ANKRD11: variants seen among roughly 807,000 people sequenced by gnomAD.
ANKRD11 encodes ankyrin repeat domain-containing protein 11.
Under a neutral mutation model 195.7 loss-of-function variants are expected in ANKRD11, and 17 were observed. That is an observed-to-expected ratio of 0.09 (90% CI 0.06 to 0.13). The LOEUF is 0.13. ANKRD11 is among the 10% of genes least tolerant of loss of function. The pLI, the probability that ANKRD11 is intolerant of heterozygous loss-of-function variation, is 1.00. For missense variants in ANKRD11, 3,735 were observed against 3,566.1 expected, an observed-to-expected ratio of 1.05 and a Z score of -1.21; for synonymous variants, 1,953 against 1,528.1, an observed-to-expected ratio of 1.28 and a Z score of -6.49.
At chr16:89,449,201 A>AG (rs1567821142) in intron 1 of ANKRD11, among the ~76,000 whole-genome samples, 1 of 151,868 alleles carries the variant, frequency 6.6e-6, no homozygotes, top group African/African-American at 2.4e-5. Context: ...AAAAAAAAAA[A>AG]AAAGAAAAAT....
At chr16:89,376,474 G>C (rs534833279) in intron 2 of ANKRD11, among the ~76,000 whole-genome samples, 2 of 152,136 alleles carry the variant, frequency 1.3e-5, no homozygotes, top group Admixed American at 1.3e-4. Flanking sequence ...CTCTTGTTCC[G>C]TCACCCAGGC....
At chr16:89,396,569 CAT>C (rs2041441488) in intron 2 of ANKRD11, among the ~76,000 whole-genome samples, 1 of 151,980 alleles carries the variant, frequency 6.6e-6, no homozygotes, top group Non-Finnish European at 1.5e-5. Flanking sequence ...ACTAGAACAA[CAT>C]ATTTACCACA....
In ANKRD11 at chr16:89,281,902, T is replaced by C; in HGVS notation, c.4640A>G (p.Lys1547Arg). 6.2e-7 allele frequency: 1 copy of C among 1,613,720 alleles called. No individual in the cohort carries two copies. The highest frequency in any genetic ancestry group is 8.5e-7 in the Non-Finnish European group (1 of 1,180,034). Reference sequence around the variant, plus strand: ...TACCTTATCATTCCCGTTGCTCATCTTCACTGGGTCGCCCTTTTCTTTCTC... The same window carrying C: ...TACCTTATCATTCCCGTTGCTCATCCTCACTGGGTCGCCCTTTTCTTTCTC... ...GAEKEKGDPV[K>R]MSNGNDKVAP... is the part of the protein sequence containing the mutation. The change falls in exon 9 of 13, where the codon AAG becomes AGG. Residue 1547 changes from lysine to arginine, a missense_variant. Lys to Arg is a conservative substitution (Grantham distance 26, BLOSUM62 2). Transcript: ENST00000301030. This position sits in a 1 kb window ranked among gnomAD's most constrained non-coding sequence, Gnocchi z 5.5.
chr16:89,283,105 G>A lies in ANKRD11; in HGVS notation c.3437C>T (p.Thr1146Met), dbSNP rs150325340. 2.3e-4 allele frequency: 371 copies of A among 1,613,864 alleles called. No individual in the cohort carries two copies. Among genetic ancestry groups the A allele is most frequent in the Admixed American group, 3.7e-4 (22 of 60,016 alleles). The change falls in exon 9 of 13, where the codon ACG (threonine) becomes ATG (methionine). Residue 1146 changes from threonine (T) to methionine (M), a missense_variant. By Grantham distance (81) the Thr-to-Met change is moderately conservative. Coordinates refer to ENST00000301030, the MANE Select transcript of ANKRD11 (RefSeq NM_013275.6). The surrounding 1 kb of genome is among the most constrained non-coding windows in gnomAD (Gnocchi z 4.3). ...TTCCTCCTTCTCCTGGAGGCCGTCC[G>A]TCCTCGGCAAGTCGCTGGCCTCTCC... ...KMGEASDLPR[T>M]DGLQEKEEGR...
At position 89,273,335 on chromosome 16, in the gene ANKRD11, G is replaced by T. The variant is rs183748454; in HGVS notation, c.7713+1479C>A. 3.5e-3 allele frequency among the ~76,000 whole-genome samples: 536 copies of T among 152,282 alleles called. 8 individuals carry two copies. The highest frequency in any genetic ancestry group is 0.026 in the Admixed American group (395 of 15,292). ...GCCTGTCCATCACAGCCTCTCACCT[G>T]CGGTACAAGAATGCAAACTTATCAG... On this transcript the variant is annotated intron_variant, in intron 11 of 12. Transcript: ENST00000301030.
intron 2 of ANKRD11, among the ~76,000 whole-genome samples, chr16:89,406,541 C>A (rs971504138): frequency 6.6e-6 from 1 of 152,126 alleles, no homozygotes; most frequent in Admixed American, 6.5e-5. Flanking sequence ...CACACAGGCA[C>A]CAGAGGCTGC....
intron 11 of ANKRD11, 53 bp downstream of exon 11, chr16:89,274,761 G>A (rs1251369171): frequency 2.5e-5 from 40 of 1,601,038 alleles, no homozygotes; most frequent in Non-Finnish European, 3.1e-5. Flanking sequence ...GAGGGGAGGC[G>A]GGCAGGGTGC....
At chr16:89,316,304 C>T (rs972371136) in intron 3 of ANKRD11, among the ~76,000 whole-genome samples, 3 of 152,156 alleles carry the variant, frequency 2.0e-5, no homozygotes, top group African/African-American at 7.2e-5. Flanking sequence ...AGTTCACATT[C>T]GCTGGGCACA....
At position 89,279,463 on chromosome 16, in the gene ANKRD11, G is replaced by A. The variant is rs1399426960; in HGVS notation, c.7079C>T (p.Ala2360Val). 14 of 1,436,050 alleles carry A rather than the reference G, an allele frequency of 9.7e-6. No individual in the cohort carries two copies. Among genetic ancestry groups the A allele is most frequent in the Non-Finnish European group, 1.3e-5 (14 of 1,064,448 alleles). The allele number at this position is 1,436,050 out of a possible 1,614,324, so 89.0% of individuals were successfully genotyped here. A position where few individuals can be genotyped will look rare whatever the true frequency, so the allele number is the denominator to read the frequency against. ...QGPPPSEKECAPTPAPVTRAK... is the reference protein window; with the variant it reads ...QGPPPSEKECVPTPAPVTRAK... The stretch of plus-strand genomic sequence containing the variant: ...CCTGGTGACCGGGGCAGGGGTGGGG[G>A]CGCACTCCTTCTCGGAGGGGGGCGG... Residue 2360 changes from alanine (A) to valine (V), a missense_variant, in exon 9 of 13, where the codon GCC (alanine) becomes GTC (valine). Ala to Val is a moderately conservative substitution (Grantham distance 64, BLOSUM62 0). Transcript: ENST00000301030. This position sits in a 1 kb window ranked among gnomAD's most constrained non-coding sequence, Gnocchi z 5.6.
chr16:89,271,758 A>T (rs1182355817), intron 11 of ANKRD11: 1 of 152,248 alleles, frequency 6.6e-6, no homozygotes, highest in East Asian at 1.9e-4. Context: ...AATGGATCAA[A>T]GTCTGGAATC....
intron 1 of ANKRD11, among the ~76,000 whole-genome samples, chr16:89,449,221 T>C (rs1174899995): frequency 6.7e-6 from 1 of 149,160 alleles, no homozygotes; most frequent in East Asian, 2.0e-4. Context: ...TTTGCAGGCA[T>C]GAGGAATGTT....
chr16:89,359,659 T>C (rs114689357), intron 2 of ANKRD11, among the ~76,000 whole-genome samples: 3,190 of 152,278 alleles, frequency 0.021, 123 homozygotes, highest in African/African-American at 0.073. Flanking sequence ...AGCCGGCTGT[T>C]CACCTCTCTG....
intron 1 of ANKRD11, among the ~76,000 whole-genome samples, chr16:89,470,674 T>A (rs1191575545): frequency 6.6e-6 from 1 of 151,862 alleles, no homozygotes; most frequent in Non-Finnish European, 1.5e-5. Context: ...CGAAACCCAG[T>A]CTCTACTAAA....
intron 2 of ANKRD11, among the ~76,000 whole-genome samples, chr16:89,406,719 C>T (rs907266429): frequency 6.6e-6 from 1 of 152,152 alleles, no homozygotes; most frequent in African/African-American, 2.4e-5. Context: ...AGAAGATGGA[C>T]CTCAGTGCCT....
At chr16:89,385,408 C>T (rs997859347) in intron 2 of ANKRD11, among the ~76,000 whole-genome samples, 3 of 152,164 alleles carry the variant, frequency 2.0e-5, no homozygotes, top group African/African-American at 7.2e-5. Context: ...GGATTACAGG[C>T]GTGAGCCACC....
At chr16:89,339,933 T>G (rs548931335) in intron 2 of ANKRD11, 3 of 152,338 alleles carry the variant, frequency 2.0e-5, no homozygotes, top group Admixed American at 2.0e-4. Flanking sequence ...GGACGGTTCC[T>G]GCCGTACCTT....
At chr16:89,274,019 C>T (rs3114849) in intron 11 of ANKRD11, among the ~76,000 whole-genome samples, 3 of 152,048 alleles carry the variant, frequency 2.0e-5, no homozygotes, top group Non-Finnish European at 2.9e-5. Context: ...CAGTGGGCTC[C>T]GAGGAGGAGG....
Position 89,326,068 on chromosome 16 carries a change from A to C in ANKRD11, c.-59-8990T>G, listed in dbSNP as rs149516117. On this transcript the variant is annotated intron_variant, in intron 2 of 12. Coordinates refer to ENST00000301030, the MANE Select transcript of ANKRD11 (RefSeq NM_013275.6). ...GTGAAGACGAAGGGGAGGAGGAGCA[A>C]GGAAAATGCTTCTTTTACACAGAAG... Among the ~76,000 whole-genome samples, 776 of 152,378 alleles carry C rather than the reference A, an allele frequency of 5.1e-3. 6 individuals are homozygous for C. Among genetic ancestry groups the C allele is most frequent in the African/African-American group, 0.018 (751 of 41,592 alleles).
At chr16:89,424,039 C>A (rs1038655904) in intron 1 of ANKRD11, among the ~76,000 whole-genome samples, 1 of 152,052 alleles carries the variant, frequency 6.6e-6, no homozygotes, top group Non-Finnish European at 1.5e-5. Flanking sequence ...CCCCATAGTA[C>A]TCGACCAGTG....
Sources: gnomAD v4.1 joint callset for allele counts (sites outside exome capture counted in the v4.1 genomes callset) on GRCh38, gnomAD v4.1.1 for gene constraint, Gnocchi (gnomAD v3.1) non-coding constraint, MANE v1.5 for transcripts, NCBI Gene and HGNC (gene_info 2026-07-23, HGNC 2026-07-21) for gene names.